The following LARGE1 variants were observed in gnomAD, a reference collection of about 807,000 sequenced individuals.
LARGE1 encodes LARGE xylosyl- and glucuronyltransferase 1.
Under a neutral mutation model 87.6 loss-of-function variants are expected in LARGE1, and 43 were observed. The ratio of observed to expected loss-of-function variants is 0.49; its 90% CI spans 0.38 to 0.63. The LOEUF (loss-of-function observed/expected upper bound fraction) is 0.63. LARGE1 is among the 30% of genes least tolerant of loss of function. The pLI, the probability that LARGE1 is intolerant of heterozygous loss-of-function variation, is 0.00. For synonymous variants in LARGE1, 434 were observed against 394.6 expected (o/e 1.10, Z -1.18); for missense variants, 802 against 1,000.2 (o/e 0.80, Z 2.67).
intron 5 of LARGE1, among the ~76,000 whole-genome samples, chr22:33,599,751 A>G (rs1012057728): frequency 5.3e-5 from 8 of 152,188 alleles, no homozygotes; most frequent in African/African-American, 1.9e-4. Flanking sequence ...AGCTGTACAA[A>G]GTGATTTCTT....
intron 6 of LARGE1, among the ~76,000 whole-genome samples, chr22:33,525,580 T>G (rs1453900244): frequency 6.6e-6 from 1 of 152,210 alleles, no homozygotes; most frequent in Non-Finnish European, 1.5e-5. Flanking sequence ...CCATCCTGCC[T>G]TTAGCTCATG....
chr22:33,231,804 G>A lies in LARGE1; in HGVS notation c.1731-64972C>T, dbSNP rs1241505353. Among the ~76,000 whole-genome samples, 3 of 152,094 alleles carry A rather than the reference G, an allele frequency of 2.0e-5. No homozygotes were observed. The East Asian group carries it at 5.8e-4, about 29-fold the overall frequency. ...CTAGCACTTTCATCACTTTACTTTTGCTATTACAACTACAACTACTATTAG... is the reference window on the plus strand; with the variant it reads ...CTAGCACTTTCATCACTTTACTTTTACTATTACAACTACAACTACTATTAG... On this transcript the variant is annotated intron_variant, in intron 11 of 11. Coordinates refer to the LARGE1 transcript ENST00000608642.
At chr22:33,364,091 G>T (rs1460754885) in intron 9 of LARGE1, among the ~76,000 whole-genome samples, 2 of 149,904 alleles carry the variant, frequency 1.3e-5, no homozygotes, top group African/African-American at 4.9e-5. Flanking sequence ...GTCTCGCTCT[G>T]TCGCCCAGGC....
chr22:33,515,659 C>G (rs577283678), intron 6 of LARGE1, among the ~76,000 whole-genome samples: 1 of 152,286 alleles, frequency 6.6e-6, no homozygotes, highest in African/African-American at 2.4e-5. Context: ...ATTTTATACA[C>G]TGAAGAACCC....
chr22:33,640,995 CG>C (rs1376001375), intron 3 of LARGE1, among the ~76,000 whole-genome samples: 1 of 152,172 alleles, frequency 6.6e-6, no homozygotes, highest in Non-Finnish European at 1.5e-5. Context: ...ACAGCTTCAG[CG>C]GACTTAAACA....
upstream of LARGE1, among the ~76,000 whole-genome samples, chr22:33,921,950 G>A (rs1034375046): frequency 2.0e-5 from 3 of 152,050 alleles, no homozygotes; most frequent in Non-Finnish European, 4.4e-5. This position sits in a 1 kb window ranked among gnomAD's most constrained non-coding sequence, Gnocchi z 4.1. Flanking sequence ...GAGAGAAAGA[G>A]GACGCCGAGA....
intron 2 of LARGE1, chr22:33,657,131 T>A (rs2080981808): frequency 6.6e-6 from 1 of 152,274 alleles, no homozygotes; most frequent in African/African-American, 2.4e-5. Context: ...GGGCCTCCCA[T>A]GAAGGGGGCT....
At chr22:33,377,006 G>T (rs555915365) in intron 9 of LARGE1, among the ~76,000 whole-genome samples, 1 of 152,218 alleles carries the variant, frequency 6.6e-6, no homozygotes, top group African/African-American at 2.4e-5. Context: ...AAACCTGGGA[G>T]AGGTCCATCC....
intron 1 of LARGE1, among the ~76,000 whole-genome samples, chr22:33,780,023 C>T (rs546079853): frequency 8.8e-4 from 130 of 147,732 alleles, no homozygotes; most frequent in Non-Finnish European, 1.9e-3. Flanking sequence ...GAACAGGGCA[C>T]GCTCACTCTC....
intron 9 of LARGE1, among the ~76,000 whole-genome samples, chr22:33,338,436 G>C (rs1601508449): frequency 6.6e-6 from 1 of 152,176 alleles, no homozygotes. Flanking sequence ...AGAGGTCTGG[G>C]TCCTGGCCCC....
At chr22:33,415,248 A>G (rs2066444000) in intron 7 of LARGE1, among the ~76,000 whole-genome samples, 1 of 152,212 alleles carries the variant, frequency 6.6e-6, no homozygotes, top group Admixed American at 6.5e-5. Context: ...CCTTCTAATC[A>G]GCATGCAGTA....
chr22:33,569,608 C>A (rs1003384777), intron 5 of LARGE1, among the ~76,000 whole-genome samples: 1 of 152,154 alleles, frequency 6.6e-6, no homozygotes, highest in African/African-American at 2.4e-5. Context: ...AAATAGCTCA[C>A]CCTCTTAGAG....
Position 33,364,308 on chromosome 22 carries a change from C to T in LARGE1, c.1131+17611G>A, listed in dbSNP as rs1479708864. Among the ~76,000 whole-genome samples the T allele has an allele frequency of 7.2e-5, 11 of 152,274 alleles. No individual in the cohort carries two copies. The South Asian group carries it at 1.7e-3, about 23-fold the overall frequency. On this transcript the variant is annotated intron_variant, in intron 9 of 14. Transcript: ENST00000397394. The stretch of plus-strand genomic sequence containing the variant: ...TCCTGACCTCGTGATCCGCCCGCCT[C>T]GGCCTCCCAAAGTGCTGGGATTACA...
chr22:33,907,908 A>G (rs1338789850), intron 1 of LARGE1, among the ~76,000 whole-genome samples: 1 of 152,120 alleles, frequency 6.6e-6, no homozygotes, highest in Non-Finnish European at 1.5e-5. Context: ...GTGTGAAGAC[A>G]TTTCTAGGTC....
intron 1 of LARGE1, among the ~76,000 whole-genome samples, chr22:33,789,066 G>T (rs546987689): frequency 1.5e-4 from 23 of 152,328 alleles, no homozygotes; most frequent in African/African-American, 5.1e-4. Flanking sequence ...CAAGTCAGAG[G>T]TCTTCACAGC....
intron 1 of LARGE1, among the ~76,000 whole-genome samples, chr22:33,801,882 T>C (rs62225454): frequency 0.074 from 11,294 of 152,224 alleles, 524 homozygotes; most frequent in Admixed American, 0.11. Context: ...TCATAAGTTG[T>C]ATCAAAAGAG....
chr22:33,544,885 G>T (rs899841277), intron 6 of LARGE1, among the ~76,000 whole-genome samples: 1 of 151,174 alleles, frequency 6.6e-6, no homozygotes, highest in Non-Finnish European at 1.5e-5. Context: ...TTCAGCCAGG[G>T]ATGAGATCAA....
intron 1 of LARGE1, among the ~76,000 whole-genome samples, chr22:33,848,995 C>G (rs1403818452): frequency 6.6e-6 from 1 of 152,224 alleles, no homozygotes; most frequent in Non-Finnish European, 1.5e-5. Flanking sequence ...TGGGTTTACA[C>G]CCCCTACTTC....
chr22:33,250,501 A>C (rs1926964538), intron 11 of LARGE1, among the ~76,000 whole-genome samples: 1 of 152,028 alleles, frequency 6.6e-6, no homozygotes, highest in South Asian at 2.1e-4. Flanking sequence ...CAATATGTGT[A>C]CTCTTCTTTC....
Sources: gnomAD v4.1 joint callset for allele counts (sites outside exome capture counted in the v4.1 genomes callset) on GRCh38, gnomAD v4.1.1 for gene constraint, Gnocchi (gnomAD v3.1) non-coding constraint, MANE v1.5 for transcripts, NCBI Gene and HGNC (gene_info 2026-07-23, HGNC 2026-07-21) for gene names.